TXNRD3: variants seen among roughly 807,000 people sequenced by gnomAD.
The protein encoded by TXNRD3 is TXNRD3 neighbor gene protein.
A neutral mutation model predicts 78.2 loss-of-function variants in TXNRD3; 68 were observed. The observed-to-expected ratio is 0.87, with a 90% CI of 0.72 to 1.06. The LOEUF is 1.06. Among genes scored for constraint, TXNRD3 ranks in the 50% least tolerant of loss-of-function variants. The pLI, the probability that TXNRD3 is intolerant of heterozygous loss-of-function variation, is 0.00. For synonymous variants in TXNRD3, 296 were observed against 300.1 expected (o/e 0.99, Z 0.14); for missense variants, 751 against 809.5 (o/e 0.93, Z 0.88).
chr3:126,649,373 A>C (rs1307672410), intron 1 of TXNRD3, among the ~76,000 whole-genome samples: 2 of 152,244 alleles, frequency 1.3e-5, no homozygotes, highest in Admixed American at 6.5e-5. Flanking sequence ...AGAGAAACTG[A>C]GACCCTTGTG....
rs1273549806 is a variant in TXNRD3, at chr3:126,631,833, A to G, written c.902T>C (p.Phe301Ser). Residue 301 changes from phenylalanine (F) to serine (S), a missense_variant, in exon 8 of 16, where the codon TTT becomes TCT. Coordinates refer to ENST00000524230, the MANE Select transcript of TXNRD3 (RefSeq NM_052883.3). ...TGGCCTTTCACCCGTTGCTATGACA[A>G]ACTGTGCAGCAGTATAATAAGTCTC... 5 of 1,536,034 alleles carry G rather than the reference A, an allele frequency of 3.3e-6. No homozygotes were observed. In the East Asian group the frequency reaches 9.8e-5, roughly 30 times the overall value.
intron 11 of TXNRD3, 72 bp downstream of exon 11, chr3:126,622,392 A>G: frequency 9.6e-7 from 1 of 1,038,004 alleles, no homozygotes; most frequent in Non-Finnish European, 1.4e-6. Flanking sequence ...ATTAAATGAG[A>G]ATTTCTTAGA....
chr3:126,655,084 G>T lies in TXNRD3; in HGVS notation c.-94C>A, dbSNP rs535510293. 2.3e-6 allele frequency: 3 copies of T among 1,297,134 alleles called. No homozygotes were observed. Among genetic ancestry groups the T allele is most frequent in the East Asian group, 3.3e-5 (1 of 30,074 alleles). The allele number at this position is 1,297,134 out of a possible 1,614,324, so 80.4% of individuals were successfully genotyped here. On this transcript the variant is annotated 5_prime_UTR_variant, in exon 1 of 16. Coordinates refer to ENST00000524230, the MANE Select transcript of TXNRD3 (RefSeq NM_052883.3). ...GGACGGGGCCTGAGGGGCGGCGAAC[G>T]CTGCCCTCGCTGGCCACTCTCACCA...
At chr3:126,630,619 T>G in intron 9 of TXNRD3, 93 bp downstream of exon 9, 2 of 1,299,982 alleles carry the variant, frequency 1.5e-6, no homozygotes, top group Non-Finnish European at 2.1e-6. Context: ...TTAACATTAT[T>G]TGAATACAGA....
chr3:126,645,684 T>C (rs988222827), intron 3 of TXNRD3, among the ~76,000 whole-genome samples: 8 of 152,208 alleles, frequency 5.3e-5, no homozygotes, highest in Non-Finnish European at 4.4e-5. Flanking sequence ...TAACAACTCC[T>C]GCTCATTTTT....
chr3:126,643,443 T>A (rs1933142390), intron 5 of TXNRD3, among the ~76,000 whole-genome samples: 1 of 152,172 alleles, frequency 6.6e-6, no homozygotes, highest in South Asian at 2.1e-4. Flanking sequence ...TTACATACAC[T>A]CACTCCATCA....
At chr3:126,640,866 TA>T (rs74393581) in intron 6 of TXNRD3, among the ~76,000 whole-genome samples, 6,187 of 128,850 alleles carry the variant, frequency 0.048, 225 homozygotes, top group African/African-American at 0.11. Context: ...GTAACTTGTG[TA>T]AAAAAAAAAA....
chr3:126,648,147 C>A (rs1933285487), intron 1 of TXNRD3, among the ~76,000 whole-genome samples: 1 of 152,098 alleles, frequency 6.6e-6, no homozygotes, highest in African/African-American at 2.4e-5. Flanking sequence ...GAACTAAATA[C>A]TTAGGAAGAA....
At chr3:126,632,026 A>T in intron 7 of TXNRD3, 147 bp from the exon 8 acceptor site, 2 of 618,844 alleles carry the variant, frequency 3.2e-6, no homozygotes, top group South Asian at 4.0e-5. Flanking sequence ...GATAAGCACA[A>T]GCACAGAAAA....
intron 6 of TXNRD3, among the ~76,000 whole-genome samples, chr3:126,640,866 T>TAAAA (rs74393581): frequency 7.8e-6 from 1 of 128,970 alleles, no homozygotes. Context: ...GTAACTTGTG[T>TAAAA]AAAAAAAAAA....
intron 1 of TXNRD3, 91 bp downstream of exon 1, chr3:126,654,657 G>GGGCGCCCCGGCCCGGACCCGCC: frequency 1.2e-6 from 1 of 823,130 alleles, no homozygotes; most frequent in African/African-American, 1.8e-5. Flanking sequence ...CGGGACCCGC[G>GGGCGCCCCGGCCCGGACCCGCC]GGCGCCCCGG....
At chr3:126,609,908 T>C (rs970479873) in intron 14 of TXNRD3, among the ~76,000 whole-genome samples, 1 of 152,166 alleles carries the variant, frequency 6.6e-6, no homozygotes, top group African/African-American at 2.4e-5. Flanking sequence ...CCCTACTCCC[T>C]TTGGAAAGGC....
chr3:126,614,740 C>T (rs1361629904), intron 13 of TXNRD3, among the ~76,000 whole-genome samples: 1 of 152,100 alleles, frequency 6.6e-6, no homozygotes, highest in Non-Finnish European at 1.5e-5. Context: ...TTAAATCATA[C>T]AATCAAGGGA....
At chr3:126,635,230 G>T (rs910503057) in intron 6 of TXNRD3, among the ~76,000 whole-genome samples, 3 of 152,124 alleles carry the variant, frequency 2.0e-5, no homozygotes, top group Non-Finnish European at 4.4e-5. Context: ...AACAGTTCAT[G>T]TGTCCTTTTG....
intron 1 of TXNRD3, among the ~76,000 whole-genome samples, chr3:126,651,207 G>A (rs1425885154): frequency 6.6e-6 from 1 of 152,186 alleles, no homozygotes; most frequent in African/African-American, 2.4e-5. Context: ...CACATGTAAA[G>A]ACGGACATGT....
Position 126,627,987 on chromosome 3 carries a change from A to T in TXNRD3, c.1290+1392T>A, listed in dbSNP as rs548893983. Reference sequence around the variant, plus strand: ...TAAATTCTAAATAACGAAGTCCAACATTACCAAGTTGGGTTTATACAAAGG... The same window carrying T: ...TAAATTCTAAATAACGAAGTCCAACTTTACCAAGTTGGGTTTATACAAAGG... On this transcript the variant is annotated intron_variant, in intron 10 of 15. Transcript: ENST00000524230. 2.0e-5 allele frequency among the ~76,000 whole-genome samples: 3 copies of T among 152,322 alleles called. No homozygotes were observed. The East Asian group carries it at 5.8e-4, about 29-fold the overall frequency.
Position 126,644,340 on chromosome 3 carries a change from A to T in TXNRD3, c.476T>A (p.Leu159His). ...TCCAGAACCACCACCGATGATGATGAGATCATAATCATATGCCAAATCTTC... is the reference window on the plus strand; with the variant it reads ...TCCAGAACCACCACCGATGATGATGTGATCATAATCATATGCCAAATCTTC... Residue 159 changes from leucine to histidine, a missense_variant, in exon 4 of 16, where the codon CTC becomes CAC. Coordinates refer to ENST00000524230, the MANE Select transcript of TXNRD3 (RefSeq NM_052883.3). 2 of 1,536,582 alleles carry T rather than the reference A, an allele frequency of 1.3e-6. No homozygotes were observed. Among genetic ancestry groups the T allele is most frequent in the Non-Finnish European group, 1.7e-6 (2 of 1,147,002 alleles).
At chr3:126,612,485 T>G (rs143055173) in intron 13 of TXNRD3, among the ~76,000 whole-genome samples, 67 of 152,310 alleles carry the variant, frequency 4.4e-4, no homozygotes, top group African/African-American at 1.6e-3. Flanking sequence ...GTTTTTTGTT[T>G]GTTTGTTTGT....
rs777831509 is a variant in TXNRD3 at position 126,615,443 on chromosome 3, G to A, written c.1544C>T (p.Pro515Leu). 2.2e-5 allele frequency: 33 copies of A among 1,501,942 alleles called. No individual in the cohort carries two copies. Among genetic ancestry groups the A allele is most frequent in the South Asian group, 1.1e-4 (9 of 78,378 alleles). 93.0% of individuals were successfully genotyped at this position (1,501,942 alleles called of 1,614,324 possible). The change falls in exon 13 of 16, where the codon CCG (proline) becomes CTG (leucine). Residue 515 changes from proline (P) to leucine (L), a missense_variant. Transcript: ENST00000524230. ...CTCCAGAGGAGTAAACACTGTAGTC[G>A]GAACATTAATATAATCACACTGAAA...
Sources: gnomAD v4.1 joint callset for allele counts (sites outside exome capture counted in the v4.1 genomes callset) on GRCh38, gnomAD v4.1.1 for gene constraint, MANE v1.5 for transcripts, NCBI Gene and HGNC (gene_info 2026-07-23, HGNC 2026-07-21) for gene names.